MAP4K5: variants seen among roughly 807,000 people sequenced by gnomAD.
The protein encoded by MAP4K5 is MAPK/ERK kinase kinase kinase 5.
A neutral mutation model predicts 135.6 loss-of-function variants in MAP4K5; 82 were observed. That is an observed-to-expected ratio of 0.60 (90% CI 0.51 to 0.73). The LOEUF (loss-of-function observed/expected upper bound fraction) is 0.73. MAP4K5 is among the 30% of genes least tolerant of loss of function. The pLI is 0.00. For synonymous variants in MAP4K5, 347 were observed against 335.0 expected, an observed-to-expected ratio of 1.04 and a Z score of -0.39; for missense variants, 907 against 1,010.9, an observed-to-expected ratio of 0.90 and a Z score of 1.39.
chr14:50,479,230 T>A (rs1023391821), intron 6 of MAP4K5, among the ~76,000 whole-genome samples: 1 of 151,168 alleles, frequency 6.6e-6, no homozygotes, highest in Non-Finnish European at 1.5e-5. Context: ...CTGTTGTCCC[T>A]TCAAGGACAC....
chr14:50,427,557 T>C (rs974265938), intron 30 of MAP4K5, among the ~76,000 whole-genome samples: 3 of 152,194 alleles, frequency 2.0e-5, no homozygotes, highest in African/African-American at 7.2e-5. Context: ...TAAAAATATG[T>C]AATTATAAAG....
intron 10 of MAP4K5, 157 bp downstream of exon 10, chr14:50,468,494 T>C: frequency 3.0e-6 from 2 of 657,168 alleles, no homozygotes; most frequent in Non-Finnish European, 5.0e-6. Flanking sequence ...ACCTTCGGAC[T>C]AGCCCACAAT....
chr14:50,460,967 TATTTGGCC>T, intron 13 of MAP4K5, among the ~76,000 whole-genome samples: 1 of 152,280 alleles, frequency 6.6e-6, no homozygotes, highest in African/African-American at 2.4e-5. Flanking sequence ...ACATAGAAAT[TATTTGGCC>T]TAATACTTGG....
intron 16 of MAP4K5, 125 bp from the exon 17 acceptor site, chr14:50,446,246 G>C (rs928825631): frequency 3.3e-5 from 19 of 576,898 alleles, no homozygotes; most frequent in Non-Finnish European, 5.1e-5. Flanking sequence ...TCACGATGCA[G>C]AGTATAAAAT....
chr14:50,460,037 T>C (rs187954943), intron 13 of MAP4K5, among the ~76,000 whole-genome samples: 86 of 152,246 alleles, frequency 5.6e-4, no homozygotes, highest in African/African-American at 1.9e-3. Flanking sequence ...ACACTGCCTT[T>C]TCCCTTATCA....
At chr14:50,471,855 T>A (rs2036971238) in intron 9 of MAP4K5, 2 of 152,376 alleles carry the variant, frequency 1.3e-5, no homozygotes, top group South Asian at 4.1e-4. Flanking sequence ...TCTTCCGTCA[T>A]TTCTGCTCCA....
chr14:50,557,322 T>G (rs2038776632), intron 1 of MAP4K5, among the ~76,000 whole-genome samples: 1 of 152,250 alleles, frequency 6.6e-6, no homozygotes, highest in Non-Finnish European at 1.5e-5. Flanking sequence ...ATTTCTACCC[T>G]ATTCCCACCC....
At chr14:50,533,910 T>C (rs750955964), upstream of MAP4K5, among the ~76,000 whole-genome samples, 6 of 152,340 alleles carry the variant, frequency 3.9e-5, no homozygotes, top group South Asian at 6.2e-4. Flanking sequence ...AGGGCACTTA[T>C]TTGGGGAACA....
chr14:50,552,830 CCTCAT>C lies in MAP4K5; in HGVS notation c.-180+8205_-180+8209del, dbSNP rs1391158742. 3.3e-5 allele frequency among the ~76,000 whole-genome samples: 5 copies of C among 152,108 alleles called. 1 individual carries two copies. Among genetic ancestry groups the C allele is most frequent in the Non-Finnish European group, 7.4e-5 (5 of 68,024 alleles). On this transcript the variant is annotated intron_variant, in intron 1 of 8. Coordinates refer to the MAP4K5 transcript ENST00000555216. ...AGCCACATGTAGAATGAAACTGGAT[CCTCAT>C]CTCTCACCTTATAGAAAAATCAACT...
At chr14:50,485,251 C>T (rs2037339158) in intron 5 of MAP4K5, among the ~76,000 whole-genome samples, 1 of 152,032 alleles carries the variant, frequency 6.6e-6, no homozygotes, top group African/African-American at 2.4e-5. Flanking sequence ...ACGTAACTTC[C>T]CTTCTGTGAG....
chr14:50,456,478 C>T, intron 14 of MAP4K5, 38 bp downstream of exon 14: 1 of 1,462,898 alleles, frequency 6.8e-7, no homozygotes, highest in Non-Finnish European at 9.4e-7. Flanking sequence ...GCACAACCCT[C>T]CAAAACCACC....
intron 2 of MAP4K5, among the ~76,000 whole-genome samples, chr14:50,516,288 T>C (rs1161286479): frequency 1.3e-5 from 2 of 152,154 alleles, no homozygotes; most frequent in Non-Finnish European, 2.9e-5. Flanking sequence ...ATGACAAACA[T>C]AGGAGGAAGC....
intron 2 of MAP4K5, among the ~76,000 whole-genome samples, chr14:50,516,781 T>G (rs1339983255): frequency 4.6e-5 from 7 of 152,196 alleles, no homozygotes; most frequent in Non-Finnish European, 8.8e-5. Flanking sequence ...TTCTCTTCAG[T>G]GGTCCCAGTT....
chr14:50,536,705 C>A (rs2038497593), upstream of MAP4K5, among the ~76,000 whole-genome samples: 1 of 152,138 alleles, frequency 6.6e-6, no homozygotes, highest in African/African-American at 2.4e-5. Context: ...GGAACTGGAG[C>A]AAAGGTGACT....
chr14:50,459,863 A>G (rs921592283), intron 13 of MAP4K5, among the ~76,000 whole-genome samples: 10 of 152,048 alleles, frequency 6.6e-5, no homozygotes, highest in Admixed American at 2.0e-4. Context: ...ATGCCCAGCT[A>G]ATTTTTTGGT....
chr14:50,443,237 T>C (rs920096325), intron 20 of MAP4K5, among the ~76,000 whole-genome samples: 1 of 152,172 alleles, frequency 6.6e-6, no homozygotes, highest in Non-Finnish European at 1.5e-5. Context: ...CATTAGACTT[T>C]CACTGAATAA....
chr14:50,480,158 G>T (rs148031550), intron 6 of MAP4K5, among the ~76,000 whole-genome samples: 2,143 of 148,582 alleles, frequency 0.014, 17 homozygotes, highest in Middle Eastern at 0.041. Context: ...CTTCATATTG[G>T]TTTTTTTTTT....
intron 3 of MAP4K5, among the ~76,000 whole-genome samples, chr14:50,490,266 C>A (rs10132531): frequency 6.6e-6 from 1 of 151,662 alleles, no homozygotes; most frequent in African/African-American, 2.4e-5. Flanking sequence ...GTATCTGAGA[C>A]AGTAGACACT....
intron 9 of MAP4K5, among the ~76,000 whole-genome samples, chr14:50,470,766 T>C (rs992505633): frequency 6.6e-6 from 1 of 152,136 alleles, no homozygotes; most frequent in African/African-American, 2.4e-5. Context: ...TCATGAGCCG[T>C]AGCATATTAT....
Sources: gnomAD v4.1 joint callset for allele counts (sites outside exome capture counted in the v4.1 genomes callset) on GRCh38, gnomAD v4.1.1 for gene constraint, MANE v1.5 for transcripts, NCBI Gene and HGNC (gene_info 2026-07-23, HGNC 2026-07-21) for gene names.